Variants in MACF1 observed in about 807,000 individuals in gnomAD.
The protein encoded by MACF1 is microtubule actin crosslinking factor 1.
A neutral mutation model predicts 854.8 loss-of-function variants in MACF1; 193 were observed. The ratio of observed to expected loss-of-function variants is 0.23; its 90% CI spans 0.20 to 0.25. The LOEUF is 0.25. MACF1 is among the 10% of genes least tolerant of loss of function. MACF1 has a pLI of 1.00. For missense variants in MACF1, 7,722 were observed against 8,929.1 expected (o/e 0.86, Z 5.45); for synonymous variants, 3,185 against 3,226.7 (o/e 0.99, Z 0.44).
At chr1:39,447,984 T>C (rs1187329215) in intron 82 of MACF1, 49 bp from the exon 83 acceptor site, 2 of 1,612,766 alleles carry the variant, frequency 1.2e-6, no homozygotes, top group Non-Finnish European at 1.7e-6. Flanking sequence ...AAACGTGCTG[T>C]ATAGTGTGTA....
intron 15 of MACF1, 25 bp from the exon 16 acceptor site, chr1:39,291,885 C>CAT (rs1213836103): frequency 1.2e-6 from 2 of 1,605,924 alleles, no homozygotes; most frequent in African/African-American, 1.3e-5. Context: ...TAAATTATGT[C>CAT]ATATATATAT....
At chr1:39,268,715 C>A in intron 6 of MACF1, 2 of 1,281,192 alleles carry the variant, frequency 1.6e-6, no homozygotes, top group Non-Finnish European at 2.0e-6. Context: ...ATTCACTGGG[C>A]TGTTTTAAGG....
At chr1:39,114,326 GAC>G (rs1418775144) in intron 2 of MACF1, among the ~76,000 whole-genome samples, 1 of 152,034 alleles carries the variant, frequency 6.6e-6, no homozygotes, top group African/African-American at 2.4e-5. Flanking sequence ...CAAAGTCCAT[GAC>G]TCTAAAAATA....
chr1:39,294,149 T>G (rs1160785707), intron 18 of MACF1, among the ~76,000 whole-genome samples: 1 of 152,244 alleles, frequency 6.6e-6, no homozygotes, highest in African/African-American at 2.4e-5. Flanking sequence ...CTCTGGACTT[T>G]CCACAAATTT....
In MACF1 at chr1:39,385,946, A is replaced by G. The variant is rs182318395; in HGVS notation, c.14344+17A>G. 6.3e-7 allele frequency: 1 copy of G among 1,588,010 alleles called. No homozygotes were observed. The highest frequency in any genetic ancestry group is 1.3e-5 in the African/African-American group (1 of 74,262). On this transcript the variant is annotated intron_variant, in intron 57 of 100. Transcript: ENST00000564288. ...ACCTTGCAGGTAAGTTGGGGTGAAG[A>G]ACATACTTCTGCCATTATTAGAGGC...
intron 13 of MACF1, 58 bp downstream of exon 13, chr1:39,285,448 T>G (rs1034321678): frequency 1.9e-6 from 3 of 1,585,972 alleles, no homozygotes; most frequent in Non-Finnish European, 2.6e-6. Context: ...CTTCTCACCC[T>G]CTGCTCTAAT....
intron 2 of MACF1, among the ~76,000 whole-genome samples, chr1:39,234,062 C>A (rs1284625587): frequency 1.4e-5 from 2 of 146,048 alleles, no homozygotes; most frequent in Non-Finnish European, 3.0e-5. Flanking sequence ...TCCATTTAAC[C>A]CTGAGTGGAC....
rs371355497 is a variant in MACF1 at position 39,333,893 on chromosome 1, C to T, written c.7305C>T (p.Asp2435=). Residue 2435 remains aspartate (D), a synonymous_variant, in exon 37 of 101, where the codon GAC becomes GAT. Coordinates refer to ENST00000564288, the MANE Select transcript of MACF1 (RefSeq NM_001394062.1). ...CTCTTGGCTTGGTGGACGTTGCTGACCAGCCAGAACTTATAAATCTGGAGA... is the reference window on the plus strand; with the variant it reads ...CTCTTGGCTTGGTGGACGTTGCTGATCAGCCAGAACTTATAAATCTGGAGA... ...ASTLGLVDVA[D]QPELINLEKA... The T allele has an allele frequency of 1.9e-6, 3 of 1,614,000 alleles. No individual in the cohort carries two copies. In the African/African-American group the frequency reaches 4.0e-5, roughly 22 times the overall value.
At chr1:39,393,071 A>G (rs1335922104) in intron 58 of MACF1, among the ~76,000 whole-genome samples, 1 of 151,772 alleles carries the variant, frequency 6.6e-6, no homozygotes, top group Non-Finnish European at 1.5e-5. Context: ...CTGGTTATTG[A>G]GGAAAAGGAA....
At chr1:39,362,808 AATAG>A (rs572578952) in intron 49 of MACF1, among the ~76,000 whole-genome samples, 126 of 152,296 alleles carry the variant, frequency 8.3e-4, no homozygotes, top group Non-Finnish European at 1.3e-3. Flanking sequence ...GGTTCTTTTT[AATAG>A]ATAGTGTTAG....
intron 63 of MACF1, among the ~76,000 whole-genome samples, 191 bp from the exon 64 acceptor site, chr1:39,429,051 A>G (rs1643814605): frequency 6.6e-6 from 1 of 152,192 alleles, no homozygotes; most frequent in Non-Finnish European, 1.5e-5. Context: ...AAGCTTGCCT[A>G]TAGGTATCTG....
chr1:39,372,166 A>G (rs1649310564), intron 51 of MACF1, among the ~76,000 whole-genome samples: 1 of 152,056 alleles, frequency 6.6e-6, no homozygotes, highest in South Asian at 2.1e-4. Flanking sequence ...ATTAGATAGA[A>G]CTCCTCTTAT....
chr1:39,464,785 A>C (rs1206070469), intron 94 of MACF1: 1 of 319,126 alleles, frequency 3.1e-6, no homozygotes, highest in Non-Finnish European at 6.0e-6. Flanking sequence ...TTGGTAGCGC[A>C]TGCCTGTAAT....
intron 18 of MACF1, 111 bp from the exon 19 acceptor site, chr1:39,294,935 A>T: frequency 2.7e-6 from 2 of 734,736 alleles, no homozygotes; most frequent in Non-Finnish European, 4.6e-6. Flanking sequence ...TCATTTTGCC[A>T]CCAATTCTAT....
At chr1:39,379,787 T>A (rs1422670914) in intron 54 of MACF1, among the ~76,000 whole-genome samples, 3 of 152,338 alleles carry the variant, frequency 2.0e-5, no homozygotes, top group Non-Finnish European at 4.4e-5. Flanking sequence ...ATCTTTCCAA[T>A]TCTTAGAGGG....
chr1:39,342,127 C>T (rs1004458075), intron 40 of MACF1, among the ~76,000 whole-genome samples: 3 of 151,388 alleles, frequency 2.0e-5, no homozygotes. Flanking sequence ...TTGGCTTCCA[C>T]TTATAAGTGA....
intron 2 of MACF1, among the ~76,000 whole-genome samples, chr1:39,186,170 A>ATCTCTCTCTCTCTCTC (rs55658204): frequency 1.0e-3 from 111 of 109,920 alleles, no homozygotes; most frequent in Non-Finnish European, 1.6e-3. Context: ...GATTCTGAAC[A>ATCTCTCTCTCTCTCTC]TCTCTCTCTC....
intron 58 of MACF1, among the ~76,000 whole-genome samples, chr1:39,399,230 T>C (rs899165301): frequency 2.0e-5 from 3 of 152,174 alleles, no homozygotes; most frequent in Non-Finnish European, 4.4e-5. Context: ...TCTCCAGTCT[T>C]GGATGTATTT....
At chr1:39,177,079 G>A (rs902042222) in intron 2 of MACF1, among the ~76,000 whole-genome samples, 1 of 152,148 alleles carries the variant, frequency 6.6e-6, no homozygotes, top group African/African-American at 2.4e-5. Flanking sequence ...GAGCTACGTT[G>A]GGGCCTAAGG....
Sources: allele counts gnomAD v4.1 joint callset (sites outside exome capture counted in the v4.1 genomes callset), GRCh38; gene constraint gnomAD v4.1.1; transcripts MANE v1.5; gene names NCBI Gene and HGNC (gene_info 2026-07-23, HGNC 2026-07-21).